Variants in NUP98 observed in about 807,000 individuals in gnomAD.
NUP98 encodes the protein nuclear pore complex protein Nup98-Nup96.
NUP98 carries 26 observed loss-of-function variants against 191.9 expected under a neutral mutation model. That is an observed-to-expected ratio of 0.14 (90% CI 0.10 to 0.19). NUP98 has a LOEUF of 0.19. Ranked by LOEUF, NUP98 falls within the 10% of genes least tolerant of loss-of-function variation. The pLI is 1.00. For missense variants in NUP98, 1,941 were observed against 2,178.8 expected, an observed-to-expected ratio of 0.89 and a Z score of 2.17; for synonymous variants, 808 against 778.4, an observed-to-expected ratio of 1.04 and a Z score of -0.63.
At chr11:3,755,868 G>A (rs975307129) in intron 10 of NUP98, among the ~76,000 whole-genome samples, 7 of 151,930 alleles carry the variant, frequency 4.6e-5, no homozygotes, top group Non-Finnish European at 7.4e-5. Context: ...GGAGGCTGAG[G>A]CAGAGAGCTG....
chr11:3,708,288 G>A (rs1398671217), intron 20 of NUP98, among the ~76,000 whole-genome samples: 1 of 151,888 alleles, frequency 6.6e-6, no homozygotes, highest in Non-Finnish European at 1.5e-5. Context: ...GTGAGTGGGA[G>A]GAAAGAAAAA....
intron 1 of NUP98, among the ~76,000 whole-genome samples, chr11:3,789,611 G>A (rs572726523): frequency 1.1e-4 from 16 of 150,392 alleles, no homozygotes; most frequent in African/African-American, 3.7e-4. Flanking sequence ...GACCTCCTGG[G>A]TTCAACTGAT....
At chr11:3,692,311 TG>T (rs1406644578) in intron 27 of NUP98, among the ~76,000 whole-genome samples, 1 of 146,186 alleles carries the variant, frequency 6.8e-6, no homozygotes, top group Non-Finnish European at 1.5e-5. Context: ...GACTGAGACC[TG>T]ATCTCGATTG....
intron 1 of NUP98, among the ~76,000 whole-genome samples, chr11:3,786,848 T>C (rs1222988881): frequency 3.3e-5 from 5 of 152,238 alleles, no homozygotes; most frequent in African/African-American, 7.2e-5. Flanking sequence ...TGAAAGACTA[T>C]GCAAGCTTCC....
At chr11:3,791,533 C>CAAAAAAAAAAAA (rs71041395) in intron 1 of NUP98, among the ~76,000 whole-genome samples, 3 of 67,200 alleles carry the variant, frequency 4.5e-5, no homozygotes, top group Non-Finnish European at 2.7e-5. Flanking sequence ...GACCTCGTCT[C>CAAAAAAAAAAAA]AAAAAAAAAA....
At chr11:3,677,977 A>G (rs1366374946) in intron 31 of NUP98, among the ~76,000 whole-genome samples, 1 of 104,914 alleles carries the variant, frequency 9.5e-6, no homozygotes, top group Non-Finnish European at 2.2e-5. Context: ...TCTCTACTAA[A>G]ATACACACAC....
At chr11:3,736,368 T>C (rs570349247) in intron 12 of NUP98, among the ~76,000 whole-genome samples, 7 of 152,178 alleles carry the variant, frequency 4.6e-5, no homozygotes, top group Non-Finnish European at 7.4e-5. Flanking sequence ...ATTAAGTTAA[T>C]AGTTGTAGGC....
At chr11:3,749,622 CTAAATAAA>C (rs539925165) in intron 11 of NUP98, among the ~76,000 whole-genome samples, 1 of 151,654 alleles carries the variant, frequency 6.6e-6, no homozygotes, top group Non-Finnish European at 1.5e-5. Context: ...AACTCGGTCT[CTAAATAAA>C]TAAATAAATA....
At chr11:3,686,340 A>C (rs1169762436) in intron 28 of NUP98, 146 bp from the exon 29 acceptor site, 2 of 681,772 alleles carry the variant, frequency 2.9e-6, no homozygotes, top group African/African-American at 3.6e-5. Context: ...CCTATGTTTT[A>C]TCAATCTATC....
chr11:3,775,806 A>G, intron 5 of NUP98, 76 bp downstream of exon 5: 3 of 1,444,088 alleles, frequency 2.1e-6, no homozygotes, highest in Non-Finnish European at 2.9e-6. Context: ...AAAGAGAAGC[A>G]ATTTTACAAT....
intron 8 of NUP98, among the ~76,000 whole-genome samples, chr11:3,764,991 T>C (rs1453139890): frequency 1.3e-5 from 2 of 152,242 alleles, no homozygotes; most frequent in Non-Finnish European, 2.9e-5. Context: ...TCACACCACT[T>C]ACATATCTTC....
At chr11:3,682,836 G>A (rs559890740) in intron 30 of NUP98, among the ~76,000 whole-genome samples, 2 of 152,232 alleles carry the variant, frequency 1.3e-5, no homozygotes, top group South Asian at 2.1e-4. Context: ...AACAAAATGA[G>A]GTATGCCTGT....
At chr11:3,780,534 T>C (rs1365708289) in intron 2 of NUP98, among the ~76,000 whole-genome samples, 1 of 88,808 alleles carries the variant, frequency 1.1e-5, no homozygotes, top group East Asian at 3.4e-4. Context: ...AGAGCGAGAC[T>C]CCATCTCAAA....
At chr11:3,747,346 C>A (rs954568558) in intron 11 of NUP98, among the ~76,000 whole-genome samples, 13 of 152,118 alleles carry the variant, frequency 8.5e-5, no homozygotes, top group African/African-American at 2.7e-4. Context: ...AAAGATTTTT[C>A]TATGTCTCTC....
At chr11:3,766,786 T>C (rs112199969) in intron 8 of NUP98, among the ~76,000 whole-genome samples, 4,115 of 152,284 alleles carry the variant, frequency 0.027, 81 homozygotes, top group Middle Eastern at 0.071. Context: ...TCTTATTCTT[T>C]CTTCAGTGTT....
chr11:3,797,298 C>A, intron 1 of NUP98, 102 bp downstream of exon 1: 1 of 398,442 alleles, frequency 2.5e-6, no homozygotes, highest in East Asian at 3.6e-5. Flanking sequence ...CGGCGCTAGA[C>A]TTCGAAGCGG....
chr11:3,726,081 CTCTTTTCAAGTACACAT>C (rs1031192628), intron 14 of NUP98, among the ~76,000 whole-genome samples: 1 of 152,186 alleles, frequency 6.6e-6, no homozygotes, highest in African/African-American at 2.4e-5. Flanking sequence ...AGAGTACACA[CTCTTTTCAAGTACACAT>C]GGAACATTTA....
intron 15 of NUP98, among the ~76,000 whole-genome samples, chr11:3,723,935 G>A (rs7931173): frequency 0.15 from 22,004 of 149,954 alleles, 1,699 homozygotes; most frequent in Non-Finnish European, 0.18. Context: ...CAGGAATACC[G>A]GATAATCTAA....
intron 20 of NUP98, among the ~76,000 whole-genome samples, chr11:3,710,512 C>T (rs750978518): frequency 5.9e-5 from 9 of 152,070 alleles, no homozygotes; most frequent in Non-Finnish European, 1.3e-4. Context: ...TACACATCTT[C>T]CTAAATACCT....
Sources: allele counts gnomAD v4.1 joint callset (sites outside exome capture counted in the v4.1 genomes callset), GRCh38; gene constraint gnomAD v4.1.1; transcripts MANE v1.5; gene names NCBI Gene and HGNC (gene_info 2026-07-23, HGNC 2026-07-21).